The following GFRA1 variants were observed in gnomAD, a reference collection of about 807,000 sequenced individuals.
GFRA1 encodes GDNF family receptor alpha 1.
A neutral mutation model predicts 51.6 loss-of-function variants in GFRA1; 16 were observed. That is an observed-to-expected ratio of 0.31 (90% CI 0.21 to 0.47). GFRA1 has a LOEUF of 0.47. Ranked by LOEUF, GFRA1 falls within the 20% of genes least tolerant of loss-of-function variation. The pLI is 1.00. For synonymous variants in GFRA1, 270 were observed against 241.3 expected (o/e 1.12, Z -1.10); for missense variants, 530 against 594.3 (o/e 0.89, Z 1.13).
chr10:116,114,860 C>T (rs1213162658), intron 6 of GFRA1, among the ~76,000 whole-genome samples: 1 of 152,194 alleles, frequency 6.6e-6, no homozygotes, highest in East Asian at 1.9e-4. Flanking sequence ...TGCTGAGGTA[C>T]TTGCACAAAA....
chr10:116,271,149 C>T lies in GFRA1; in HGVS notation c.41-34G>A, dbSNP rs555403632. 7.1e-6 allele frequency: 11 copies of T among 1,556,252 alleles called. No individual in the cohort carries two copies. In the East Asian group the frequency reaches 2.6e-4, roughly 36 times the overall value. On this transcript the variant is annotated intron_variant, in intron 2 of 10. Transcript: ENST00000355422. The stretch of plus-strand genomic sequence containing the variant: ...CAGAGGGGAGGGAGCCTGAGTGCGG[C>T]GGGCGGGGACCCCGGCCGCCCCTGC...
At chr10:116,258,640 G>T (rs1056438351) in intron 4 of GFRA1, among the ~76,000 whole-genome samples, 3 of 151,970 alleles carry the variant, frequency 2.0e-5, no homozygotes, top group Non-Finnish European at 4.4e-5. Context: ...GCAAATGGGT[G>T]CTACTGCATG....
chr10:116,106,240 T>C (rs1345920009), intron 6 of GFRA1, among the ~76,000 whole-genome samples: 15 of 152,076 alleles, frequency 9.9e-5, no homozygotes, highest in Admixed American at 9.8e-4. Flanking sequence ...TATAGATCAG[T>C]AAGAGAATAA....
chr10:116,141,790 T>C (rs1350100321), intron 5 of GFRA1, among the ~76,000 whole-genome samples: 3 of 152,080 alleles, frequency 2.0e-5, no homozygotes, highest in Admixed American at 1.3e-4. Context: ...TGCCAAGTTG[T>C]CCAGGCTGGT....
chr10:116,117,528 GAT>G, intron 6 of GFRA1, among the ~76,000 whole-genome samples: 6 of 135,018 alleles, frequency 4.4e-5, no homozygotes, highest in Admixed American at 7.5e-5. Context: ...AGGCCAGATG[GAT>G]GGATGGGTGG....
intron 6 of GFRA1, among the ~76,000 whole-genome samples, chr10:116,119,849 C>A (rs550185211): frequency 6.6e-6 from 1 of 152,274 alleles, no homozygotes; most frequent in Non-Finnish European, 1.5e-5. Context: ...TTTTATGACA[C>A]GTTCCCCAGT....
chr10:116,253,494 G>A (rs950787762), intron 4 of GFRA1, among the ~76,000 whole-genome samples: 9 of 152,198 alleles, frequency 5.9e-5, no homozygotes, highest in Non-Finnish European at 1.3e-4. Flanking sequence ...TGTAGTCCCA[G>A]CTACTGGGGA....
At chr10:116,163,685 G>A (rs780389953) in intron 5 of GFRA1, among the ~76,000 whole-genome samples, 5 of 152,144 alleles carry the variant, frequency 3.3e-5, no homozygotes, top group South Asian at 2.1e-4. Flanking sequence ...CTTCTCGCAC[G>A]GCCTGGTCTT....
intron 4 of GFRA1, among the ~76,000 whole-genome samples, chr10:116,249,825 C>T (rs1036208152): frequency 2.6e-5 from 4 of 152,190 alleles, no homozygotes; most frequent in African/African-American, 9.6e-5. Context: ...TGCTTGTACA[C>T]AACCTAACAT....
chr10:116,120,499 C>T (rs1285636791), intron 6 of GFRA1, among the ~76,000 whole-genome samples: 3 of 152,116 alleles, frequency 2.0e-5, no homozygotes, highest in Non-Finnish European at 4.4e-5. Flanking sequence ...ATGAGGGGAT[C>T]GCTAGAGCCC....
chr10:116,228,361 G>A (rs898267000), intron 4 of GFRA1, among the ~76,000 whole-genome samples: 5 of 152,284 alleles, frequency 3.3e-5, no homozygotes, highest in Admixed American at 2.6e-4. Flanking sequence ...AGCCAGGATT[G>A]CTCCAAAAGA....
chr10:116,217,755 A>T (rs1278124948), intron 4 of GFRA1, among the ~76,000 whole-genome samples: 1 of 152,222 alleles, frequency 6.6e-6, no homozygotes, highest in Non-Finnish European at 1.5e-5. Context: ...TCTCATCAGC[A>T]ACATGCCAGT....
At position 116,084,193 on chromosome 10, in the gene GFRA1, T is replaced by C. The variant is rs1955985537; in HGVS notation, c.1197+5548A>G. 1.2e-4 allele frequency among the ~76,000 whole-genome samples: 19 copies of C among 152,106 alleles called. 1 individual carries two copies. The highest frequency in any genetic ancestry group is 1.2e-3 in the Admixed American group (18 of 15,276). On this transcript the variant is annotated intron_variant, in intron 9 of 10. Transcript: ENST00000355422. ...GACCAGGCAGCTACTGGTGGAGTGG[T>C]TGGGGGCAGGACGGCTGCCCTCTGC...
chr10:116,221,313 C>G (rs1048004226), intron 4 of GFRA1, among the ~76,000 whole-genome samples: 5 of 152,166 alleles, frequency 3.3e-5, no homozygotes, highest in African/African-American at 9.7e-5. Context: ...AACCACTTTG[C>G]TACACTGTCT....
chr10:116,145,148 CAA>C (rs58509181), intron 5 of GFRA1, among the ~76,000 whole-genome samples: 228 of 28,718 alleles, frequency 7.9e-3, no homozygotes, highest in African/African-American at 0.031. Context: ...GACTCTGTCT[CAA>C]AAAAAAAAAA....
intron 7 of GFRA1, 22 bp from the exon 8 acceptor site, chr10:116,093,858 A>G: frequency 6.2e-7 from 1 of 1,612,508 alleles, no homozygotes; most frequent in Non-Finnish European, 8.5e-7. Flanking sequence ...AAAACAAGGC[A>G]TTTTATTGTT....
At chr10:116,133,020 C>T (rs1212228947) in intron 5 of GFRA1, among the ~76,000 whole-genome samples, 1 of 151,390 alleles carries the variant, frequency 6.6e-6, no homozygotes, top group Non-Finnish European at 1.5e-5. Flanking sequence ...TGTTGCTTTC[C>T]CCCCTCCCCT....
At chr10:116,101,759 C>T (rs1157459450) in intron 6 of GFRA1, among the ~76,000 whole-genome samples, 1 of 152,138 alleles carries the variant, frequency 6.6e-6, no homozygotes, top group Non-Finnish European at 1.5e-5. Flanking sequence ...CATACTTGGA[C>T]ATAAGACACG....
chr10:116,172,688 T>A (rs1022534924), intron 5 of GFRA1, among the ~76,000 whole-genome samples: 1 of 152,076 alleles, frequency 6.6e-6, no homozygotes, highest in Non-Finnish European at 1.5e-5. Flanking sequence ...GACGGGCATG[T>A]GTAAGTGGAA....
Sources: gnomAD v4.1 joint callset for allele counts (sites outside exome capture counted in the v4.1 genomes callset) on GRCh38, gnomAD v4.1.1 for gene constraint, MANE v1.5 for transcripts, NCBI Gene and HGNC (gene_info 2026-07-23, HGNC 2026-07-21) for gene names.